Variants in CCSER1 observed in about 807,000 individuals in gnomAD.
CCSER1 encodes coiled-coil serine rich protein 1, also known as serine-rich coiled-coil domain-containing protein 1.
A neutral mutation model predicts 82.0 loss-of-function variants in CCSER1; 41 were observed. The observed-to-expected ratio is 0.50, with a 90% CI of 0.39 to 0.65. The LOEUF (loss-of-function observed/expected upper bound fraction) is 0.65, where lower values mean the gene tolerates loss of function less well. CCSER1 is among the 30% of genes least tolerant of loss of function. The probability of loss-of-function intolerance (pLI) is 0.00; values close to 1 mark genes in which losing one functional copy is unlikely to be tolerated. For synonymous variants in CCSER1, 414 were observed against 383.9 expected (o/e 1.08, Z -0.92); for missense variants, 1,119 against 1,064.2 (o/e 1.05, Z -0.72).
intron 10 of CCSER1, among the ~76,000 whole-genome samples, chr4:91,590,070 A>G (rs1459071942): frequency 6.6e-6 from 1 of 152,034 alleles, no homozygotes. Flanking sequence ...TGTCCTTTGA[A>G]GAGAGAGAGG....
At chr4:91,209,226 C>T (rs973186909) in intron 10 of CCSER1, among the ~76,000 whole-genome samples, 30 of 151,960 alleles carry the variant, frequency 2.0e-4, no homozygotes, top group African/African-American at 7.0e-4. Flanking sequence ...CCTGATTGCT[C>T]TGGCCAGGAC....
chr4:91,487,353 G>C (rs1487173079), intron 10 of CCSER1, among the ~76,000 whole-genome samples: 1 of 152,100 alleles, frequency 6.6e-6, no homozygotes, highest in African/African-American at 2.4e-5. Flanking sequence ...GAACTCAGGG[G>C]AAACTAATTT....
intron 10 of CCSER1, among the ~76,000 whole-genome samples, chr4:91,193,280 G>T (rs1735150910): frequency 6.6e-6 from 1 of 151,982 alleles, no homozygotes; most frequent in African/African-American, 2.4e-5. Flanking sequence ...ACAATGATTT[G>T]GTTCCATGGT....
chr4:90,315,855 AC>A (rs2153483384), intron 3 of CCSER1, among the ~76,000 whole-genome samples: 1 of 152,320 alleles, frequency 6.6e-6, no homozygotes, highest in Admixed American at 6.5e-5. Context: ...ATGTTTTTTA[AC>A]TTGTAGCACT....
At position 90,760,066 on chromosome 4, in the gene CCSER1, G is replaced by A. The variant is rs554933484; in HGVS notation, c.2010+36075G>A. ...AGGAATTTTTTAGTTTCACTATGAA[G>A]AAAATATACCAAGTTAAAACAGTCT... is the stretch of plus-strand genomic sequence containing the variant. On this transcript the variant is annotated intron_variant, in intron 7 of 10. Coordinates refer to ENST00000509176, the MANE Select transcript of CCSER1 (RefSeq NM_001145065.2). 1.8e-4 allele frequency among the ~76,000 whole-genome samples: 27 copies of A among 151,858 alleles called. 1 individual carries two copies. The South Asian group carries it at 5.6e-3, about 32-fold the overall frequency.
chr4:90,237,683 C>T (rs1012219831), intron 1 of CCSER1, among the ~76,000 whole-genome samples: 2 of 152,138 alleles, frequency 1.3e-5, no homozygotes, highest in African/African-American at 4.8e-5. Flanking sequence ...ATATATGAAG[C>T]CAGTGTTGTC....
At chr4:91,116,004 C>A (rs111558046) in intron 10 of CCSER1, among the ~76,000 whole-genome samples, 3,499 of 151,798 alleles carry the variant, frequency 0.023, 127 homozygotes, top group African/African-American at 0.08. Context: ...ATCCCTCCCC[C>A]CTGTCCCCAC....
At chr4:91,207,985 T>A (rs1736484989) in intron 10 of CCSER1, among the ~76,000 whole-genome samples, 1 of 151,896 alleles carries the variant, frequency 6.6e-6, no homozygotes, top group Non-Finnish European at 1.5e-5. Flanking sequence ...ATCAGTGATG[T>A]TGTTTGTATT....
At chr4:91,431,462 T>C (rs917608818) in intron 10 of CCSER1, among the ~76,000 whole-genome samples, 4 of 152,196 alleles carry the variant, frequency 2.6e-5, no homozygotes, top group African/African-American at 9.7e-5. Context: ...ACAGCATTTC[T>C]TCCCTTTTTT....
intron 10 of CCSER1, among the ~76,000 whole-genome samples, chr4:91,117,650 G>A (rs777447462): frequency 3.9e-5 from 6 of 152,042 alleles, no homozygotes; most frequent in East Asian, 1.9e-4. Flanking sequence ...GTACCTTTGC[G>A]TTGTAAGGTG....
intron 5 of CCSER1, among the ~76,000 whole-genome samples, chr4:90,534,658 A>G (rs1237815346): frequency 6.6e-6 from 1 of 152,222 alleles, no homozygotes; most frequent in African/African-American, 2.4e-5. Flanking sequence ...TGAAGGCTTA[A>G]CATTAATCTT....
At chr4:90,775,845 A>G (rs1424913392) in intron 7 of CCSER1, among the ~76,000 whole-genome samples, 3 of 151,796 alleles carry the variant, frequency 2.0e-5, no homozygotes, top group East Asian at 3.9e-4. Flanking sequence ...TGGTAGGTAG[A>G]GGTTTTCCTT....
chr4:90,239,723 T>G (rs1746484202), intron 1 of CCSER1, among the ~76,000 whole-genome samples: 1 of 152,184 alleles, frequency 6.6e-6, no homozygotes, highest in South Asian at 2.1e-4. Context: ...AAGTGACTCC[T>G]GCTTCAGCCT....
chr4:90,531,204 A>G (rs922926770), intron 5 of CCSER1, among the ~76,000 whole-genome samples: 2 of 152,006 alleles, frequency 1.3e-5, no homozygotes, highest in Non-Finnish European at 2.9e-5. Context: ...GAAAATGAAA[A>G]ACATAGATCT....
intron 10 of CCSER1, among the ~76,000 whole-genome samples, chr4:91,163,811 G>A (rs1032525041): frequency 4.6e-5 from 7 of 151,472 alleles, no homozygotes; most frequent in Admixed American, 6.6e-5. Context: ...CCTTTATTTT[G>A]AGCCTATGTG....
intron 7 of CCSER1, among the ~76,000 whole-genome samples, chr4:90,747,659 TTTA>T (rs1257263621): frequency 6.6e-6 from 1 of 152,136 alleles, no homozygotes; most frequent in Admixed American, 6.5e-5. Context: ...TTTTTTAAAT[TTTA>T]TTATTATACT....
chr4:91,551,776 A>G (rs1376511908), intron 10 of CCSER1, among the ~76,000 whole-genome samples: 1 of 151,404 alleles, frequency 6.6e-6, no homozygotes, highest in Admixed American at 6.6e-5. Flanking sequence ...TTATTAATTT[A>G]TATTTCCAAA....
At chr4:90,280,148 CA>C (rs1465249745) in intron 1 of CCSER1, among the ~76,000 whole-genome samples, 5 of 151,984 alleles carry the variant, frequency 3.3e-5, no homozygotes, top group Middle Eastern at 3.4e-3. Flanking sequence ...AGGCAAATAA[CA>C]AACTAATGAA....
chr4:91,420,561 G>C (rs990133658), intron 10 of CCSER1, among the ~76,000 whole-genome samples: 1 of 152,090 alleles, frequency 6.6e-6, no homozygotes, highest in African/African-American at 2.4e-5. Context: ...CAAGTCTCTG[G>C]AGAAGCAGGG....
Sources: gnomAD v4.1 joint callset for allele counts (sites outside exome capture counted in the v4.1 genomes callset) on GRCh38, gnomAD v4.1.1 for gene constraint, MANE v1.5 for transcripts, NCBI Gene and HGNC (gene_info 2026-07-23, HGNC 2026-07-21) for gene names.